Variants in FGF12 observed in about 807,000 individuals in gnomAD.
FGF12 encodes the protein fibroblast growth factor 12B.
A neutral mutation model predicts 23.6 loss-of-function variants in FGF12; 14 were observed. The ratio of observed to expected loss-of-function variants is 0.59; its 90% CI spans 0.39 to 0.93. The LOEUF is 0.93. Ranked by LOEUF, FGF12 falls within the 40% of genes least tolerant of loss-of-function variation. FGF12 has a pLI of 0.00. For synonymous variants in FGF12, 62 were observed against 77.3 expected (o/e 0.80, Z 1.04); for missense variants, 175 against 217.8 (o/e 0.80, Z 1.24).
At position 192,594,117 on chromosome 3, in the gene FGF12, G is replaced by GTTCA. The variant is rs1713740529; in HGVS notation, c.13+133063_13+133064insTGAA. On this transcript the variant is annotated intron_variant, in intron 2 of 5. Transcript: ENST00000445105. ...GTCTGGTAAGGACATTTGAACAGGA[G>GTTCA]ACTGCCTATTTTCAAAAGTTGGATA... Among the ~76,000 whole-genome samples the GTTCA allele has an allele frequency of 2.0e-5, 3 of 152,030 alleles. No homozygotes were observed. In the East Asian group the frequency reaches 5.8e-4, roughly 29 times the overall value.
chr3:192,512,923 G>T (rs2036586031), intron 2 of FGF12, among the ~76,000 whole-genome samples: 1 of 144,942 alleles, frequency 6.9e-6, no homozygotes, highest in Non-Finnish European at 1.5e-5. Context: ...AAGATGGGTA[G>T]TGACTTATTG....
intron 2 of FGF12, among the ~76,000 whole-genome samples, chr3:192,559,840 T>C (rs2108593295): frequency 5.0e-3 from 1 of 202 alleles, no homozygotes; most frequent in Non-Finnish European, 9.8e-3. Flanking sequence ...AGTTCGTTAA[T>C]GAATTAAAAA....
chr3:192,485,367 G>T (rs1298505877), intron 2 of FGF12, among the ~76,000 whole-genome samples: 1 of 152,114 alleles, frequency 6.6e-6, no homozygotes. Context: ...TTGAGAAAAT[G>T]GAGTAATCAC....
At position 192,250,783 on chromosome 3, in the gene FGF12, G is replaced by A. The variant is rs145860499; in HGVS notation, c.229-80127C>T. ...ATTATGGGGCAAATAAATCTATTTT[G>A]AAGGTTTTTTTTTAATTTCTGGTAG... is the stretch of plus-strand genomic sequence containing the variant. On this transcript the variant is annotated intron_variant, in intron 4 of 5. Transcript: ENST00000445105. 4.6e-5 allele frequency among the ~76,000 whole-genome samples: 7 copies of A among 152,100 alleles called. No homozygotes were observed. The East Asian group carries it at 1.4e-3, about 29-fold the overall frequency.
At chr3:192,513,283 G>A (rs1724550268) in intron 2 of FGF12, among the ~76,000 whole-genome samples, 1 of 152,158 alleles carries the variant, frequency 6.6e-6, no homozygotes, top group South Asian at 2.1e-4. Context: ...TTAGAATATA[G>A]TGGTATGATG....
chr3:192,385,563 C>G (rs912156773), intron 2 of FGF12, among the ~76,000 whole-genome samples: 6 of 152,138 alleles, frequency 3.9e-5, no homozygotes, highest in East Asian at 1.9e-4. Flanking sequence ...AATTCACCCC[C>G]CCCAGCTCAT....
At chr3:192,326,695 C>T (rs9291021) in intron 4 of FGF12, among the ~76,000 whole-genome samples, 43,581 of 152,022 alleles carry the variant, frequency 0.29, 7,433 homozygotes, top group African/African-American at 0.46. Context: ...TAGGCTGCCC[C>T]GGTTTTCAAA....
chr3:192,154,077 G>A (rs1714204133), intron 5 of FGF12, among the ~76,000 whole-genome samples: 1 of 115,188 alleles, frequency 8.7e-6, no homozygotes, highest in Admixed American at 9.1e-5. Context: ...ATCTTCCATT[G>A]CTGATACCCT....
intron 2 of FGF12, among the ~76,000 whole-genome samples, chr3:192,669,822 A>C (rs1717043806): frequency 6.6e-6 from 1 of 152,124 alleles, no homozygotes. Flanking sequence ...CAACATACGA[A>C]AGAGCTGCAT....
chr3:192,448,465 AT>A (rs1722426870), intron 2 of FGF12, among the ~76,000 whole-genome samples: 1 of 152,182 alleles, frequency 6.6e-6, no homozygotes, highest in African/African-American at 2.4e-5. Flanking sequence ...CCCCCTGAAA[AT>A]TGGGAGGGAG....
At chr3:192,292,532 AAAT>A (rs1190560502) in intron 4 of FGF12, among the ~76,000 whole-genome samples, 4 of 152,316 alleles carry the variant, frequency 2.6e-5, no homozygotes, top group Admixed American at 1.3e-4. Flanking sequence ...TAAAATAATA[AAAT>A]AATGAGAGGA....
At chr3:192,174,850 T>G (rs534022754) in intron 4 of FGF12, among the ~76,000 whole-genome samples, 1 of 152,170 alleles carries the variant, frequency 6.6e-6, no homozygotes, top group Non-Finnish European at 1.5e-5. Context: ...AACTGTAAAT[T>G]GAGTTATTTT....
At chr3:192,618,594 TTCTC>T (rs1714852028) in intron 2 of FGF12, among the ~76,000 whole-genome samples, 1 of 152,088 alleles carries the variant, frequency 6.6e-6, no homozygotes, top group African/African-American at 2.4e-5. Flanking sequence ...GCTAAAAATA[TTCTC>T]TCTAAAACTC....
chr3:192,249,125 TATA>T (rs1711833049), intron 4 of FGF12, among the ~76,000 whole-genome samples: 1 of 152,168 alleles, frequency 6.6e-6, no homozygotes, highest in Non-Finnish European at 1.5e-5. Context: ...ACTGTACTAT[TATA>T]ATATTAATCA....
intron 2 of FGF12, among the ~76,000 whole-genome samples, chr3:192,489,667 C>T (rs1440872029): frequency 3.9e-5 from 6 of 152,024 alleles, no homozygotes; most frequent in African/African-American, 9.7e-5. Flanking sequence ...CATCACTCTG[C>T]CACCCTTTTG....
chr3:192,167,747 ATATATATATATATATATATATAAAATTTT>A (rs1326946466), intron 5 of FGF12, among the ~76,000 whole-genome samples: 10 of 24,464 alleles, frequency 4.1e-4, no homozygotes, highest in Non-Finnish European at 7.5e-4. Flanking sequence ...ATATATATAT[ATATATATATATATATATATATAAAATTTT>A]TTTTTTTTTT....
intron 3 of FGF12, among the ~76,000 whole-genome samples, chr3:192,346,592 A>G (rs1476438576): frequency 1.3e-5 from 2 of 152,186 alleles, no homozygotes; most frequent in African/African-American, 2.4e-5. Flanking sequence ...CAGGAATTGT[A>G]TCAGATTCAT....
chr3:192,619,146 T>C (rs1167362278), intron 2 of FGF12, among the ~76,000 whole-genome samples: 2 of 152,018 alleles, frequency 1.3e-5, no homozygotes, highest in Non-Finnish European at 2.9e-5. Flanking sequence ...GTGGTTAGCA[T>C]GTTATTAGAT....
intron 2 of FGF12, among the ~76,000 whole-genome samples, chr3:192,720,268 G>A (rs1214285300): frequency 6.6e-6 from 1 of 152,174 alleles, no homozygotes; most frequent in Non-Finnish European, 1.5e-5. Flanking sequence ...TAGTAATGGG[G>A]CTTGTTTCAG....
Sources: allele counts gnomAD v4.1 joint callset (sites outside exome capture counted in the v4.1 genomes callset), GRCh38; gene constraint gnomAD v4.1.1; transcripts MANE v1.5; gene names NCBI Gene and HGNC (gene_info 2026-07-23, HGNC 2026-07-21).